Variants in ZFAT observed in about 807,000 individuals in gnomAD.
ZFAT encodes the protein zinc finger and AT-hook domain containing, also known as zinc finger protein ZFAT.
A neutral mutation model predicts 117.7 loss-of-function variants in ZFAT; 64 were observed. The observed-to-expected ratio is 0.54, with a 90% CI of 0.44 to 0.67. The LOEUF (loss-of-function observed/expected upper bound fraction) is 0.67, where lower values mean the gene tolerates loss of function less well. Ranked by LOEUF, ZFAT falls within the 30% of genes least tolerant of loss-of-function variation. ZFAT has a pLI of 0.00. For synonymous variants in ZFAT, 679 were observed against 615.0 expected (o/e 1.10, Z -1.54); for missense variants, 1,433 against 1,584.5 (o/e 0.90, Z 1.62).
intron 1 of ZFAT, among the ~76,000 whole-genome samples, chr8:134,696,226 T>C (rs1481116777): frequency 6.6e-6 from 1 of 151,984 alleles, no homozygotes; most frequent in Non-Finnish European, 1.5e-5. Flanking sequence ...GGACCATCTC[T>C]AAGCAAGGAG....
chr8:134,589,927 T>C (rs957627128), intron 8 of ZFAT, among the ~76,000 whole-genome samples: 2 of 152,274 alleles, frequency 1.3e-5, no homozygotes, highest in Admixed American at 6.5e-5. Context: ...CCAACACCCC[T>C]TACAAACCAC....
At chr8:134,779,791 AT>A in the ZFAT span, among the ~76,000 whole-genome samples, 1 of 152,234 alleles carries the variant, frequency 6.6e-6, no homozygotes, top group African/African-American at 2.4e-5. Context: ...CTGCTTGAAC[AT>A]AAAACCTGTC....
At chr8:134,629,060 G>A (rs1829709903) in intron 3 of ZFAT, among the ~76,000 whole-genome samples, 1 of 152,174 alleles carries the variant, frequency 6.6e-6, no homozygotes, top group African/African-American at 2.4e-5. Context: ...AAAAGATGAT[G>A]GACCCACGAG....
At chr8:134,508,360 G>A (rs1012411435) in intron 15 of ZFAT, among the ~76,000 whole-genome samples, 5 of 152,234 alleles carry the variant, frequency 3.3e-5, no homozygotes, top group African/African-American at 9.6e-5. Flanking sequence ...GCGTCCTTAT[G>A]TGAGTGCCTC....
At position 134,585,632 on chromosome 8, in the gene ZFAT, G is replaced by T. The variant is rs1310212085; in HGVS notation, c.2714-1627C>A. On this transcript the variant is annotated intron_variant, in intron 9 of 15. Coordinates refer to ENST00000377838, the MANE Select transcript of ZFAT (RefSeq NM_020863.4). Reference sequence around the variant, plus strand: ...CACGGGCCGGCTGTGGAACCCTGGGGAGTCACCTAAACAGCTCTGCACTTC... The same window carrying T: ...CACGGGCCGGCTGTGGAACCCTGGGTAGTCACCTAAACAGCTCTGCACTTC... 2.6e-5 allele frequency among the ~76,000 whole-genome samples: 4 copies of T among 152,164 alleles called. No homozygotes were observed. In the East Asian group the frequency reaches 7.7e-4, roughly 29 times the overall value.
At chr8:134,695,898 G>A (rs1833814131) in intron 1 of ZFAT, among the ~76,000 whole-genome samples, 1 of 147,066 alleles carries the variant, frequency 6.8e-6, no homozygotes, top group African/African-American at 2.5e-5. Context: ...CCCAGGCCCA[G>A]GCGGCATCTC....
the ZFAT span, among the ~76,000 whole-genome samples, chr8:134,776,485 G>A: frequency 6.6e-6 from 1 of 151,826 alleles, no homozygotes; most frequent in Admixed American, 6.6e-5. Flanking sequence ...TTATTTTTTT[G>A]TAGAGACAGG....
Position 134,570,029 on chromosome 8 carries a change from G to A in ZFAT, c.2888-4608C>T, listed in dbSNP as rs1156411178. On this transcript the variant is annotated intron_variant, in intron 10 of 15. Transcript: ENST00000377838. ...AGCTTCACAGTGGCTGCAGGGCACA[G>A]GGGTGTATGACTCCCTGTCACCTCT... Among the ~76,000 whole-genome samples the A allele has an allele frequency of 2.0e-5, 3 of 152,276 alleles. No homozygotes were observed. In the East Asian group the frequency reaches 5.8e-4, roughly 29 times the overall value.
intron 15 of ZFAT, among the ~76,000 whole-genome samples, chr8:134,506,335 C>A (rs1403185899): frequency 6.6e-6 from 1 of 152,280 alleles, no homozygotes; most frequent in African/African-American, 2.4e-5. Flanking sequence ...GAGTGGGGCA[C>A]GCAAGCATGA....
At chr8:134,608,545 C>A (rs1468251577) in intron 5 of ZFAT, among the ~76,000 whole-genome samples, 184 bp downstream of exon 5, 2 of 152,158 alleles carry the variant, frequency 1.3e-5, no homozygotes, top group African/African-American at 4.8e-5. Flanking sequence ...ACTGGAGGCT[C>A]AGCGAGCACA....
At chr8:134,514,698 T>TTTA (rs1237914846) in intron 13 of ZFAT, among the ~76,000 whole-genome samples, 1 of 152,190 alleles carries the variant, frequency 6.6e-6, no homozygotes, top group Non-Finnish European at 1.5e-5. Context: ...AACTCTTACT[T>TTTA]TTTAAAAGAA....
At chr8:134,710,764 CAA>C (rs1813963292) in intron 1 of ZFAT, among the ~76,000 whole-genome samples, 1 of 152,142 alleles carries the variant, frequency 6.6e-6, no homozygotes, top group Non-Finnish European at 1.5e-5. Flanking sequence ...GATCATGAAA[CAA>C]AGTGTACAAT....
intron 10 of ZFAT, among the ~76,000 whole-genome samples, chr8:134,581,886 G>A (rs72719766): frequency 0.22 from 33,557 of 152,078 alleles, 4,158 homozygotes; most frequent in African/African-American, 0.32. Flanking sequence ...CACTGTGCCC[G>A]ACCTGGATGC....
chr8:134,763,082 C>G, the ZFAT span, among the ~76,000 whole-genome samples: 1 of 152,152 alleles, frequency 6.6e-6, no homozygotes, highest in Non-Finnish European at 1.5e-5. Context: ...AAATGTAAAT[C>G]AGACTGAAAA....
chr8:134,618,235 C>T lies in ZFAT; in HGVS notation c.449-7580G>A, dbSNP rs1057431799. Among the ~76,000 whole-genome samples, 11 of 152,104 alleles carry T rather than the reference C, an allele frequency of 7.2e-5. No individual in the cohort carries two copies. In the East Asian group the frequency reaches 7.7e-4, roughly 11 times the overall value. ...CATTGCTATGAGTTTTCAGGAAACACGAACAGAGAAGGACACTTTGCGACA... is the reference window on the plus strand; with the variant it reads ...CATTGCTATGAGTTTTCAGGAAACATGAACAGAGAAGGACACTTTGCGACA... On this transcript the variant is annotated intron_variant, in intron 3 of 15. Coordinates refer to ENST00000377838, the MANE Select transcript of ZFAT (RefSeq NM_020863.4).
intron 1 of ZFAT, among the ~76,000 whole-genome samples, chr8:134,683,395 T>C (rs1833161361): frequency 1.3e-5 from 2 of 152,326 alleles, no homozygotes; most frequent in South Asian, 4.1e-4. Context: ...AAGCAGGTTG[T>C]ATGTGTGCGC....
the ZFAT span, among the ~76,000 whole-genome samples, chr8:134,798,653 C>T: frequency 6.6e-6 from 1 of 151,922 alleles, no homozygotes; most frequent in South Asian, 2.1e-4. Flanking sequence ...ATCTGATAGC[C>T]CACATGATCA....
the ZFAT span, among the ~76,000 whole-genome samples, chr8:134,806,691 A>T: frequency 6.6e-6 from 1 of 152,188 alleles, no homozygotes; most frequent in Non-Finnish European, 1.5e-5. Flanking sequence ...ACTCACACAA[A>T]CAATACATAG....
intron 3 of ZFAT, 54 bp from the exon 4 acceptor site, chr8:134,610,709 T>C: frequency 6.3e-7 from 1 of 1,591,928 alleles, no homozygotes; most frequent in Admixed American, 1.7e-5. Flanking sequence ...AGTGGCAGAG[T>C]TGGAGGGTAA....
Sources: allele counts gnomAD v4.1 joint callset (sites outside exome capture counted in the v4.1 genomes callset), GRCh38; gene constraint gnomAD v4.1.1; transcripts MANE v1.5; gene names NCBI Gene and HGNC (gene_info 2026-07-23, HGNC 2026-07-21).